The following LRRN3 variants were observed in gnomAD, a reference collection of about 807,000 sequenced individuals.
LRRN3 encodes the protein leucine-rich repeat neuronal protein 3.
Under a neutral mutation model 40.1 loss-of-function variants are expected in LRRN3, and 15 were observed. That is an observed-to-expected ratio of 0.37 (90% CI 0.25 to 0.58). The LOEUF is 0.58. Ranked by LOEUF, LRRN3 falls within the 20% of genes least tolerant of loss-of-function variation. LRRN3 has a pLI of 0.72. For synonymous variants in LRRN3, 308 were observed against 297.2 expected (o/e 1.04, Z -0.37); for missense variants, 746 against 837.7 (o/e 0.89, Z 1.35).
In LRRN3 at chr7:111,122,697, C is replaced by A; in HGVS notation, c.-76C>A. On this transcript the variant is annotated 5_prime_UTR_variant, in exon 3 of 3. An upstream open reading frame in the 5' UTR gains an earlier in-frame stop. Transcript: ENST00000308478. The stretch of plus-strand genomic sequence containing the variant: ...AAATGCAAGCATCTTCCTTATCAAT[C>A]AGCTCCTATTGAACTTACTAGCACT... The A allele has an allele frequency of 9.1e-7, 1 of 1,104,264 alleles. No individual in the cohort carries two copies. 68.4% of individuals were successfully genotyped at this position (1,104,264 alleles called of 1,614,324 possible). A position where few individuals can be genotyped will look rare whatever the true frequency, so the allele number is the denominator to read the frequency against.
intron 2 of LRRN3, among the ~76,000 whole-genome samples, chr7:111,111,829 G>C (rs1799241538): frequency 6.6e-6 from 1 of 150,478 alleles, no homozygotes; most frequent in Non-Finnish European, 1.5e-5. Context: ...GACAAAAGGA[G>C]ACCTTGTCTC....
intron 2 of LRRN3, among the ~76,000 whole-genome samples, chr7:111,112,217 G>A (rs111526457): frequency 0.025 from 3,823 of 151,852 alleles, 165 homozygotes; most frequent in African/African-American, 0.087. Flanking sequence ...GCCTGACTTC[G>A]CCTCCCAAAG....
At chr7:111,113,687 G>A (rs1799508349) in intron 2 of LRRN3, among the ~76,000 whole-genome samples, 1 of 151,764 alleles carries the variant, frequency 6.6e-6, no homozygotes, top group Non-Finnish European at 1.5e-5. Flanking sequence ...CTGAAATGCA[G>A]GATAATTGAA....
At chr7:111,092,954 G>A (rs1797019435) in intron 1 of LRRN3, among the ~76,000 whole-genome samples, 1 of 152,064 alleles carries the variant, frequency 6.6e-6, no homozygotes, top group South Asian at 2.1e-4. Context: ...TGTGATTTCA[G>A]AGCTATTATT....
rs7458409 is a variant in LRRN3, at chr7:111,122,763, G to A, written c.-10G>A. The A allele has an allele frequency of 6.2e-7, 1 of 1,603,312 alleles. No individual in the cohort carries two copies. The highest frequency in any genetic ancestry group is 1.1e-5 in the South Asian group (1 of 89,304). On this transcript the variant is annotated 5_prime_UTR_variant, in exon 3 of 3. Transcript: ENST00000308478. ...AAGGGCCCATTACATTTCTGAAGAA[G>A]AAAGCTAAGATGAAGGACATGCCAC...
intron 2 of LRRN3, among the ~76,000 whole-genome samples, chr7:111,100,536 G>A (rs2129579936): frequency 6.7e-6 from 1 of 149,490 alleles, no homozygotes; most frequent in South Asian, 2.1e-4. Context: ...AACCTGATTA[G>A]TATAATATTA....
intron 1 of LRRN3, chr7:111,096,901 C>T (rs1797458720): frequency 6.6e-6 from 1 of 151,910 alleles, no homozygotes. Flanking sequence ...AGTAAACTTA[C>T]ATACATTATT....
intron 1 of LRRN3, among the ~76,000 whole-genome samples, chr7:111,092,395 C>T (rs1447836327): frequency 4.6e-5 from 7 of 152,096 alleles, no homozygotes; most frequent in Admixed American, 2.0e-4. Flanking sequence ...TGGCTTAATT[C>T]GGCTCTAATT....
intron 2 of LRRN3, among the ~76,000 whole-genome samples, chr7:111,116,730 T>A (rs1017401282): frequency 3.3e-5 from 5 of 152,194 alleles, no homozygotes; most frequent in Admixed American, 1.3e-4. Context: ...AACTGCCTTA[T>A]AATTTCATCT....
At chr7:111,098,005 T>C (rs557860182) in intron 1 of LRRN3, among the ~76,000 whole-genome samples, 82 of 151,856 alleles carry the variant, frequency 5.4e-4, no homozygotes, top group African/African-American at 1.8e-3. Context: ...TGCTGTAGCA[T>C]TGAAAAGAAA....
chr7:111,111,409 C>A (rs552093766), intron 2 of LRRN3, among the ~76,000 whole-genome samples: 15 of 151,088 alleles, frequency 9.9e-5, no homozygotes, highest in African/African-American at 2.4e-4. Flanking sequence ...CCATCCCCCC[C>A]CAAAAAAAAA....
chr7:111,124,423 A>G lies in LRRN3; in HGVS notation c.1651A>G (p.Ser551Gly). The G allele has an allele frequency of 3.7e-6, 6 of 1,613,762 alleles. No individual in the cohort carries two copies. The highest frequency in any genetic ancestry group is 5.1e-6 in the Non-Finnish European group (6 of 1,179,920). The change falls in exon 3 of 3, where the codon AGT becomes GGT. Residue 551 changes from serine to glycine, a missense_variant. Coordinates refer to ENST00000308478, the MANE Select transcript of LRRN3 (RefSeq NM_001099658.2). ...AGCAAGTTCTAAAATTCTCAAATCT[A>G]GTGTTAAATGGACAGCCTTTGTCAA... Reference protein sequence around the residue: ...WKASSKILKSSVKWTAFVKTE... With the variant: ...WKASSKILKSGVKWTAFVKTE...
chr7:111,092,704 C>A (rs1423393243), intron 1 of LRRN3, among the ~76,000 whole-genome samples: 1 of 152,164 alleles, frequency 6.6e-6, no homozygotes, highest in East Asian at 1.9e-4. Context: ...TTAATTTTTA[C>A]TTCCAATCTT....
intron 2 of LRRN3, among the ~76,000 whole-genome samples, chr7:111,117,132 C>T (rs1799975380): frequency 6.6e-6 from 1 of 152,014 alleles, no homozygotes; most frequent in South Asian, 2.1e-4. Flanking sequence ...ATTCACTGAT[C>T]CTAAATTTGT....
At chr7:111,095,509 T>C (rs1797308018) in intron 1 of LRRN3, among the ~76,000 whole-genome samples, 1 of 152,006 alleles carries the variant, frequency 6.6e-6, no homozygotes, top group African/African-American at 2.4e-5. Context: ...CAATATTCAA[T>C]AATAGAAGCA....
chr7:111,119,797 C>G (rs955248454), intron 2 of LRRN3, among the ~76,000 whole-genome samples: 1 of 151,882 alleles, frequency 6.6e-6, no homozygotes, highest in Non-Finnish European at 1.5e-5. Flanking sequence ...GCCTCACGCT[C>G]TCAAGGAGGT....
chr7:111,096,591 A>G (rs963567969), intron 1 of LRRN3, among the ~76,000 whole-genome samples: 7 of 151,890 alleles, frequency 4.6e-5, no homozygotes, highest in South Asian at 2.1e-4. Flanking sequence ...CTACTCATCC[A>G]TATGTTTGTC....
chr7:111,124,272 C>T lies in LRRN3; in HGVS notation c.1500C>T (p.Asn500=), dbSNP rs186443103. Residue 500 remains asparagine, a synonymous_variant, in exon 3 of 3, where the codon AAC becomes AAT. Transcript: ENST00000308478. ...EGGLYTCIAT[N]LVGADLKSVM... The stretch of plus-strand genomic sequence containing the variant: ...GTTTATATACTTGTATAGCAACTAA[C>T]CTAGTTGGCGCTGACTTGAAGTCTG... 40 of 1,613,894 alleles carry T rather than the reference C, an allele frequency of 2.5e-5. No individual in the cohort carries two copies. The East Asian group carries it at 8.7e-4, about 35-fold the overall frequency.
In LRRN3 at chr7:111,116,406, T is replaced by C. The variant is rs1799884192; in HGVS notation, c.-358-6009T>C. ...TATCAGATTTGAGAATCTGAAAATATCAGAATCCACTCTAAAACCACTCTA... is the reference window on the plus strand; with the variant it reads ...TATCAGATTTGAGAATCTGAAAATACCAGAATCCACTCTAAAACCACTCTA... On this transcript the variant is annotated intron_variant, in intron 2 of 2. Transcript: ENST00000308478. Among the ~76,000 whole-genome samples the C allele has an allele frequency of 2.6e-5, 4 of 152,168 alleles. No homozygotes were observed. In the South Asian group the frequency reaches 8.3e-4, roughly 32 times the overall value.
Sources: gnomAD v4.1 joint callset for allele counts (sites outside exome capture counted in the v4.1 genomes callset) on GRCh38, gnomAD v4.1.1 for gene constraint, MANE v1.5 for transcripts, NCBI Gene and HGNC (gene_info 2026-07-23, HGNC 2026-07-21) for gene names.